Variants in CCDC150 observed in about 807,000 individuals in gnomAD.
The protein encoded by CCDC150 is coiled-coil domain-containing protein 150.
CCDC150 carries 151 observed loss-of-function variants against 156.5 expected under a neutral mutation model. The ratio of observed to expected loss-of-function variants is 0.97; its 90% CI spans 0.85 to 1.10. CCDC150 has a LOEUF of 1.10. Among genes scored for constraint, CCDC150 ranks in the 50% least tolerant of loss-of-function variants. CCDC150 has a pLI of 0.00. For missense variants in CCDC150, 1,312 were observed against 1,268.1 expected (o/e 1.03, Z -0.53); for synonymous variants, 452 against 429.4 (o/e 1.05, Z -0.65).
rs539676293 is a variant in CCDC150 at position 196,682,829 on chromosome 2, T to C, written c.1509+5468T>C. On this transcript the variant is annotated intron_variant, in intron 13 of 27. Transcript: ENST00000389175. ...TATAAGATAGTGTCATCACTATAAC[T>C]ATCTCTATAAACTATATCTCTATAA... 7.2e-5 allele frequency among the ~76,000 whole-genome samples: 11 copies of C among 152,216 alleles called. No individual in the cohort carries two copies. The South Asian group carries it at 1.7e-3, about 23-fold the overall frequency.
At chr2:196,700,990 A>C in intron 14 of CCDC150, 119 bp from the exon 15 acceptor site, 1 of 668,862 alleles carries the variant, frequency 1.5e-6, no homozygotes, top group Non-Finnish European at 2.5e-6. Flanking sequence ...GTAGCAAATA[A>C]ATAGGAATCT....
intron 14 of CCDC150, among the ~76,000 whole-genome samples, 169 bp from the exon 15 acceptor site, chr2:196,700,940 G>A (rs546904317): frequency 6.6e-6 from 1 of 152,298 alleles, no homozygotes; most frequent in East Asian, 1.9e-4. Flanking sequence ...TTGCATATTA[G>A]CCCTGTGATC....
intron 9 of CCDC150, 109 bp from the exon 10 acceptor site, chr2:196,674,132 A>G (rs139073023): frequency 7.3e-4 from 472 of 649,466 alleles, no homozygotes; most frequent in Non-Finnish European, 1.1e-3. Flanking sequence ...TAAATAGATT[A>G]GTTTCATATA....
chr2:196,678,568 G>T (rs1020073927), intron 13 of CCDC150, among the ~76,000 whole-genome samples: 2 of 152,114 alleles, frequency 1.3e-5, no homozygotes, highest in African/African-American at 4.8e-5. Context: ...GGGAAAATTG[G>T]TGACTACTAT....
At chr2:196,683,022 A>G (rs1694934252) in intron 13 of CCDC150, among the ~76,000 whole-genome samples, 1 of 151,854 alleles carries the variant, frequency 6.6e-6, no homozygotes, top group African/African-American at 2.4e-5. Context: ...TCATTTTCGT[A>G]TATAATTGCC....
intron 26 of CCDC150, among the ~76,000 whole-genome samples, chr2:196,731,433 C>G (rs557336584): frequency 2.4e-4 from 36 of 150,606 alleles, no homozygotes; most frequent in African/African-American, 8.8e-4. Flanking sequence ...CACTCTGTCA[C>G]CAGGCTGGAG....
chr2:196,712,719 G>A lies in CCDC150; in HGVS notation c.1846G>A (p.Ala616Thr). ...TGCCAAGAGGGTACACCTGCAGCAG[G>A]CAGATGCTCACCTGAAAGAAGTATT... ...LSAKRVHLQQ[A>T]DAHLKEVKSI... is the part of the protein sequence containing the mutation. Residue 616 changes from alanine (A) to threonine (T), a missense_variant, in exon 17 of 28, where the codon GCA (alanine) becomes ACA (threonine). Coordinates refer to ENST00000389175, the MANE Select transcript of CCDC150 (RefSeq NM_001080539.2). 2 of 1,610,836 alleles carry A rather than the reference G, an allele frequency of 1.2e-6. No individual in the cohort carries two copies. The highest frequency in any genetic ancestry group is 1.7e-6 in the Non-Finnish European group (2 of 1,178,374).
At chr2:196,683,145 A>T (rs921652303) in intron 13 of CCDC150, among the ~76,000 whole-genome samples, 2 of 152,082 alleles carry the variant, frequency 1.3e-5, no homozygotes, top group Non-Finnish European at 2.9e-5. Flanking sequence ...TATGATGTCA[A>T]CTGTGGGGTT....
chr2:196,643,179 C>A (rs899550809), intron 1 of CCDC150, among the ~76,000 whole-genome samples: 1 of 152,194 alleles, frequency 6.6e-6, no homozygotes, highest in African/African-American at 2.4e-5. Flanking sequence ...ATGTATTTCA[C>A]TCAAAAGCTT....
chr2:196,694,916 C>A, intron 13 of CCDC150, 130 bp from the exon 14 acceptor site: 2 of 505,566 alleles, frequency 4.0e-6, no homozygotes, highest in South Asian at 3.4e-5. Context: ...GTCATATTTC[C>A]ACATTTAGAG....
intron 15 of CCDC150, among the ~76,000 whole-genome samples, chr2:196,704,876 G>T (rs1464806662): frequency 1.3e-5 from 2 of 152,174 alleles, no homozygotes; most frequent in African/African-American, 4.8e-5. Flanking sequence ...CAAAGGACAT[G>T]AACTCATCAT....
At chr2:196,667,828 TTA>T (rs1363534242) in intron 7 of CCDC150, 1 of 152,212 alleles carries the variant, frequency 6.6e-6, no homozygotes, top group Non-Finnish European at 1.5e-5. Context: ...TTCCCTTTTC[TTA>T]TAGTAGTGAA....
At chr2:196,682,665 C>T (rs568201292) in intron 13 of CCDC150, among the ~76,000 whole-genome samples, 1 of 152,142 alleles carries the variant, frequency 6.6e-6, no homozygotes, top group East Asian at 1.9e-4. Context: ...AAACGACATA[C>T]AGCAGGTCCT....
intron 13 of CCDC150, among the ~76,000 whole-genome samples, chr2:196,687,629 T>G (rs983040980): frequency 3.9e-5 from 6 of 152,236 alleles, no homozygotes; most frequent in African/African-American, 1.2e-4. Context: ...AATTTTTGCT[T>G]TCGTTGCGAT....
rs116906246 is a variant in CCDC150 at position 196,718,065 on chromosome 2, T to C, written c.1867-438T>C. Among the ~76,000 whole-genome samples the C allele has an allele frequency of 4.6e-4, 70 of 152,364 alleles. No individual in the cohort carries two copies. In the East Asian group the frequency reaches 9.8e-3, roughly 21 times the overall value. ...CTGTTTCAAGGATATGAGGTTCTAA[T>C]ACTATACTTCTAATTAGGATTCATT... On this transcript the variant is annotated intron_variant, in intron 17 of 27. Transcript: ENST00000389175.
chr2:196,689,538 T>C (rs961269989), intron 13 of CCDC150, among the ~76,000 whole-genome samples: 2 of 152,122 alleles, frequency 1.3e-5, no homozygotes, highest in African/African-American at 2.4e-5. Flanking sequence ...ATGATTTGGC[T>C]CTCTGTTTGT....
rs1311751431 is a variant in CCDC150 at position 196,681,271 on chromosome 2, TGTA to T, written c.1509+3914_1509+3916del. 4.6e-5 allele frequency among the ~76,000 whole-genome samples: 7 copies of T among 152,308 alleles called. No individual in the cohort carries two copies. In the East Asian group the frequency reaches 1.3e-3, roughly 29 times the overall value. On this transcript the variant is annotated intron_variant, in intron 13 of 27. Transcript: ENST00000389175. The stretch of plus-strand genomic sequence containing the variant: ...TGATGCTTTTGGGGTTCTTCAACAT[TGTA>T]GTATGTATCAGTACTTCATTTTATG...
chr2:196,681,923 T>G (rs911945979), intron 13 of CCDC150, among the ~76,000 whole-genome samples: 3 of 152,190 alleles, frequency 2.0e-5, no homozygotes, highest in Non-Finnish European at 4.4e-5. Flanking sequence ...ATTTTTACAT[T>G]GATAATGTCC....
rs1575802446 is a variant in CCDC150, at chr2:196,672,432, G to A, written c.1024G>A (p.Ala342Thr). The A allele has an allele frequency of 2.0e-6, 3 of 1,491,230 alleles. No individual in the cohort carries two copies. Among genetic ancestry groups the A allele is most frequent in the African/African-American group, 2.9e-5 (2 of 69,984 alleles). 92.4% of individuals were successfully genotyped at this position (1,491,230 alleles called of 1,614,324 possible). Residue 342 changes from alanine to threonine, a missense_variant, in exon 9 of 28, where the codon GCA becomes ACA. Physicochemically the swap from Ala to Thr is moderately conservative, Grantham distance 58 (BLOSUM62 0). Coordinates refer to ENST00000389175, the MANE Select transcript of CCDC150 (RefSeq NM_001080539.2). Reference sequence around the variant, plus strand: ...GTCTCTTCATGAAGCATCAGAAAAAGCACAAGTAAATGCTCATGATTTTGT... The same window carrying A: ...GTCTCTTCATGAAGCATCAGAAAAAACACAAGTAAATGCTCATGATTTTGT... The part of the protein sequence containing the change: ...IMSLHEASEK[A>T]QVLNDQLTKK...
Sources: allele counts gnomAD v4.1 joint callset (sites outside exome capture counted in the v4.1 genomes callset), GRCh38; gene constraint gnomAD v4.1.1; transcripts MANE v1.5; gene names NCBI Gene and HGNC (gene_info 2026-07-23, HGNC 2026-07-21).